ZNF813: variants seen among roughly 807,000 people sequenced by gnomAD.
The protein encoded by ZNF813 is zinc finger protein 813.
In ZNF813, 3 loss-of-function variants were observed where a neutral mutation model predicts 7.2. That is an observed-to-expected ratio of 0.42 (90% CI 0.19 to 1.08). The LOEUF (loss-of-function observed/expected upper bound fraction) is 1.08, where lower values mean the gene tolerates loss of function less well. Ranked by LOEUF, ZNF813 falls within the 50% of genes least tolerant of loss-of-function variation. The pLI is 0.30. For synonymous variants in ZNF813, 227 were observed against 256.3 expected (o/e 0.89, Z 1.09); for missense variants, 714 against 753.3 (o/e 0.95, Z 0.61).
At chr19:53,479,320 C>T (rs919383704) in intron 1 of ZNF813, 67 of 1,586,356 alleles carry the variant, frequency 4.2e-5, no homozygotes, top group East Asian at 1.6e-4. Flanking sequence ...AGGCAGGAAC[C>T]GGAGTGTGAG....
At chr19:53,479,913 A>G (rs2086399391) in intron 1 of ZNF813, 4 of 860,704 alleles carry the variant, frequency 4.6e-6, no homozygotes, top group Admixed American at 3.4e-5. Flanking sequence ...GAAGAGATGA[A>G]GATTCTTACT....
At chr19:53,486,596 C>T (rs781184979) in intron 2 of ZNF813, 36 bp from the exon 3 acceptor site, 3 of 1,613,942 alleles carry the variant, frequency 1.9e-6, no homozygotes, top group Non-Finnish European at 2.5e-6. Context: ...AGAACTCCTC[C>T]CATAACAATT....
In ZNF813 at chr19:53,486,610, T is replaced by C. The variant is rs529557847; in HGVS notation, c.16-22T>C. On this transcript the variant is annotated intron_variant, in intron 2 of 3. Transcript: ENST00000396403. ...AAGAACTCCTCCCATAACAATTTCCTTAAAATGTGTTTTCATTTCAGGGTC... is the reference window on the plus strand; with the variant it reads ...AAGAACTCCTCCCATAACAATTTCCCTAAAATGTGTTTTCATTTCAGGGTC... 3.1e-6 allele frequency: 5 copies of C among 1,614,036 alleles called. No homozygotes were observed. The Admixed American group carries it at 5.0e-5, about 16-fold the overall frequency.
At chr19:53,472,893 T>C (rs1300554498) in intron 1 of ZNF813, among the ~76,000 whole-genome samples, 1 of 152,132 alleles carries the variant, frequency 6.6e-6, no homozygotes, top group African/African-American at 2.4e-5. Context: ...ATTACAGGCA[T>C]GAGTGACCAC....
chr19:53,489,783 C>T (rs1317776216), intron 3 of ZNF813, among the ~76,000 whole-genome samples: 1 of 152,052 alleles, frequency 6.6e-6, no homozygotes, highest in East Asian at 1.9e-4. Context: ...ACTGCAACCT[C>T]TGCCTCTTGG....
At chr19:53,482,723 T>TG (rs1568830743) in intron 1 of ZNF813, among the ~76,000 whole-genome samples, 2 of 126,488 alleles carry the variant, frequency 1.6e-5, no homozygotes, top group Admixed American at 8.6e-5. Flanking sequence ...TTTTTTTTTT[T>TG]TTTTTTTTTT....
intron 1 of ZNF813, among the ~76,000 whole-genome samples, chr19:53,481,564 G>A (rs150719237): frequency 0.041 from 6,266 of 151,834 alleles, 152 homozygotes; most frequent in African/African-American, 0.052. Context: ...GACCAGGCTC[G>A]TCTCAAACTC....
At chr19:53,469,709 G>T (rs556312689) in intron 1 of ZNF813, among the ~76,000 whole-genome samples, 3 of 115,196 alleles carry the variant, frequency 2.6e-5, no homozygotes, top group Admixed American at 9.8e-5. Context: ...TGGAGCCAGG[G>T]CAGACAGAGC....
intron 3 of ZNF813, 81 bp from the exon 4 acceptor site, chr19:53,490,294 T>TC: frequency 7.2e-7 from 1 of 1,388,120 alleles, no homozygotes; most frequent in South Asian, 1.3e-5. Flanking sequence ...AAATGAGTAT[T>TC]TTTTGTGTCA....
At chr19:53,482,277 A>G (rs1441924236) in intron 1 of ZNF813, among the ~76,000 whole-genome samples, 2 of 152,184 alleles carry the variant, frequency 1.3e-5, no homozygotes, top group Admixed American at 6.5e-5. Context: ...CTTTCTCTGT[A>G]TGAGGACATC....
intron 1 of ZNF813, among the ~76,000 whole-genome samples, chr19:53,482,754 C>T (rs1425396593): frequency 9.6e-5 from 12 of 125,102 alleles, no homozygotes; most frequent in Admixed American, 2.7e-4. Flanking sequence ...GACAGAATCT[C>T]ACTCTATTGC....
chr19:53,474,794 GA>G (rs771191238), intron 1 of ZNF813, among the ~76,000 whole-genome samples: 2 of 152,112 alleles, frequency 1.3e-5, no homozygotes, highest in Non-Finnish European at 2.9e-5. Context: ...AACATCTTTG[GA>G]ATGGCTAGTC....
At chr19:53,481,530 G>A (rs986821405) in intron 1 of ZNF813, among the ~76,000 whole-genome samples, 1 of 151,752 alleles carries the variant, frequency 6.6e-6, no homozygotes, top group African/African-American at 2.4e-5. Flanking sequence ...TGGATTTTTA[G>A]TAGAGATGGG....
intron 1 of ZNF813, among the ~76,000 whole-genome samples, chr19:53,469,802 AG>A (rs572891801): frequency 2.9e-5 from 4 of 137,552 alleles, no homozygotes; most frequent in African/African-American, 5.6e-5. Flanking sequence ...GAGTGGGGAC[AG>A]GGGGTATAAC....
chr19:53,495,954 C>A lies in ZNF813; in HGVS notation c.*3868C>A. 2.8e-6 allele frequency: 1 copy of A among 356,032 alleles called. No homozygotes were observed. The highest frequency in any genetic ancestry group is 5.5e-6 in the Non-Finnish European group (1 of 182,826). 22.1% of individuals were successfully genotyped at this position (356,032 alleles called of 1,614,324 possible). A position where few individuals can be genotyped will look rare whatever the true frequency, so the allele number is the denominator to read the frequency against. ...CAAAAGCAAAATCATTCCATTCCCC[C>A]AGTGGATTCAGATCAAAACTGGTAA... On this transcript the variant is annotated 3_prime_UTR_variant, in exon 4 of 4. Transcript: ENST00000396403.
At position 53,491,565 on chromosome 19, in the gene ZNF813, G is replaced by A. The variant is rs1425148676; in HGVS notation, c.1333G>A (p.Val445Ile). The A allele has an allele frequency of 6.2e-7, 1 of 1,613,436 alleles. No individual in the cohort carries two copies. Among genetic ancestry groups the A allele is most frequent in the Non-Finnish European group, 8.5e-7 (1 of 1,179,644 alleles). Reference protein sequence around the residue: ...GEKPYKCTECVKTFSRNSALV... With the variant: ...GEKPYKCTECIKTFSRNSALV... ...GAAACCCTACAAGTGTACTGAGTGTGTCAAGACGTTCAGTCGAAATTCAGC... is the reference window on the plus strand; with the variant it reads ...GAAACCCTACAAGTGTACTGAGTGTATCAAGACGTTCAGTCGAAATTCAGC... Residue 445 changes from valine to isoleucine, a missense_variant, in exon 4 of 4, where the codon GTC becomes ATC. This residue lies in a region of ZNF813 where 563 missense variants were observed against 554.2 expected (regional missense o/e 1.02). Transcript: ENST00000396403.
rs1374905882 is a variant in ZNF813 at position 53,491,082 on chromosome 19, T to C, written c.850T>C (p.Tyr284His). The C allele has an allele frequency of 1.2e-6, 2 of 1,614,014 alleles. No homozygotes were observed. The highest frequency in any genetic ancestry group is 3.3e-5 in the Admixed American group (2 of 60,006). ...GTGTGGCAAGACTTTCAGTCAGACGTATTCCCTTACATGCCATCGTAGACT... is the reference window on the plus strand; with the variant it reads ...GTGTGGCAAGACTTTCAGTCAGACGCATTCCCTTACATGCCATCGTAGACT... ...NECGKTFSQT[Y>H]SLTCHRRLHT... Residue 284 changes from tyrosine (Y) to histidine (H), a missense_variant, in exon 4 of 4, where the codon TAT becomes CAT. Around this residue, in one of 3 missense-constraint regions of ZNF813, gnomAD observed 563 missense variants for 554.2 expected, o/e 1.02. Coordinates refer to ENST00000396403, the MANE Select transcript of ZNF813 (RefSeq NM_001004301.4).
chr19:53,469,385 C>T (rs897704449), intron 1 of ZNF813, among the ~76,000 whole-genome samples: 4 of 152,086 alleles, frequency 2.6e-5, no homozygotes, highest in African/African-American at 9.7e-5. Flanking sequence ...ATGCGCTCCC[C>T]TGGTATGTAG....
At chr19:53,487,917 GT>G (rs2086441735) in intron 3 of ZNF813, among the ~76,000 whole-genome samples, 1 of 151,728 alleles carries the variant, frequency 6.6e-6, no homozygotes, top group South Asian at 2.1e-4. Context: ...TGTATATTGT[GT>G]TTTCATGCTT....
Sources: gnomAD v4.1 joint callset for allele counts (sites outside exome capture counted in the v4.1 genomes callset) on GRCh38, gnomAD v4.1.1 for gene constraint, gnomAD v4.1.1 regional missense constraint, MANE v1.5 for transcripts, NCBI Gene and HGNC (gene_info 2026-07-23, HGNC 2026-07-21) for gene names.